TFDP3: variants seen among roughly 807,000 people sequenced by gnomAD.
TFDP3 encodes the protein E2F-like protein.
For synonymous variants in TFDP3, 167 were observed against 131.3 expected, an observed-to-expected ratio of 1.27 and a Z score of -1.86; for missense variants, 353 against 321.6, an observed-to-expected ratio of 1.10 and a Z score of -0.75.
Position 133,217,520 on chromosome X carries a change from AGCGGCCGCTG to A in TFDP3, c.730_739del (p.Gln244CysfsTer49). 1 of 1,212,183 alleles carries A rather than the reference AGCGGCCGCTG, an allele frequency of 8.2e-7. No individual in the cohort carries two copies. Among genetic ancestry groups the A allele is most frequent in the Non-Finnish European group, 1.1e-6 (1 of 895,622 alleles). On this transcript the variant is annotated frameshift_variant, in exon 1 of 1. Coordinates refer to ENST00000310125, the MANE Select transcript of TFDP3 (RefSeq NM_016521.3). LOFTEE classifies it low-confidence loss of function (END_TRUNC). ...GGGCACGTGGATGACTGAGTTGGGCAGCGGCCGCTGGCTGACCTGCTCCTCCACATACTGG... is the reference window on the plus strand; with the variant it reads ...GGGCACGTGGATGACTGAGTTGGGCAGCTGACCTGCTCCTCCACATACTGG...
At position 133,217,896 on chromosome X, in the gene TFDP3, C is replaced by CCAGA. The variant is rs1471029539; in HGVS notation, c.363_364insTCTG (p.Val122SerfsTer36). On this transcript the variant is annotated frameshift_variant, in exon 1 of 1. Transcript: ENST00000310125. LOFTEE classifies it low-confidence loss of function (END_TRUNC). ...CAGGAAGTGGTCCCTTTCCTCTGCA[C>CCAGA]CGTCTCCCAGACCTTCATGGAAAGA... The CCAGA allele has an allele frequency of 8.3e-7, 1 of 1,210,077 alleles. No individual in the cohort carries two copies. The highest frequency in any genetic ancestry group is 1.1e-6 in the Non-Finnish European group (1 of 895,260).
chrX:133,217,074 C>T lies in TFDP3; in HGVS notation c.1186G>A (p.Asp396Asn), dbSNP rs1456702986. Residue 396 changes from aspartate to asparagine, a missense_variant, in exon 1 of 1, where the codon GAC becomes AAC. By Grantham distance (23) the Asp-to-Asn change is conservative. Transcript: ENST00000310125. ...EEEEEEDNND[D>N]DLSENDEDD ...TCCTCGTCATTCTCACTGAGGTCGT[C>T]ATCGTTGTTGTCCTCCTCCTCTTCC... 8.3e-7 allele frequency: 1 copy of T among 1,208,479 alleles called. No individual in the cohort carries two copies. The highest frequency in any genetic ancestry group is 1.1e-6 in the Non-Finnish European group (1 of 893,316).
chrX:133,217,866 C>T lies in TFDP3; in HGVS notation c.394G>A (p.Glu132Lys). 8.3e-7 allele frequency: 1 copy of T among 1,211,667 alleles called. No individual in the cohort carries two copies. The highest frequency in any genetic ancestry group is 1.8e-5 in the South Asian group (1 of 56,975). ...TTGGCGACCAGCTCGCCCACCACTTCCTGGCAGGAAGTGGTCCCTTTCCTC... is the reference window on the plus strand; with the variant it reads ...TTGGCGACCAGCTCGCCCACCACTTTCTGGCAGGAAGTGGTCCCTTTCCTC... ...VQRKGTTSCQ[E>K]VVGELVAKFR... is the part of the protein sequence containing the mutation. The change falls in exon 1 of 1, where the codon GAA (glutamate) becomes AAA (lysine). Residue 132 changes from glutamate (E) to lysine (K), a missense_variant. By Grantham distance (56) the Glu-to-Lys change is moderately conservative (BLOSUM62 1). Coordinates refer to ENST00000310125, the MANE Select transcript of TFDP3 (RefSeq NM_016521.3).
chrX:133,216,831 C>A lies in TFDP3; in HGVS notation c.*211G>T. On this transcript the variant is annotated 3_prime_UTR_variant, in exon 1 of 1. Transcript: ENST00000310125. ...AAAGTAAATAAAGATTCTGTGTCAG[C>A]ACACTGGTATCAAAACACACATCAA... 1 of 408,286 alleles carries A rather than the reference C, an allele frequency of 2.4e-6. No homozygotes were observed. The highest frequency in any genetic ancestry group is 3.8e-6 in the Non-Finnish European group (1 of 260,105). The allele number at this position is 408,286 out of a possible 1,213,427, so 33.6% of individuals were successfully genotyped here.
In TFDP3 at chrX:133,217,813, T is replaced by C. The variant is rs1432330274; in HGVS notation, c.447A>G (p.Ser149=). 11 of 1,211,504 alleles carry C rather than the reference T, an allele frequency of 9.1e-6. No homozygotes were observed. Among genetic ancestry groups the C allele is most frequent in the Non-Finnish European group, 1.2e-5 (11 of 895,456 alleles). The change falls in exon 1 of 1, where the codon TCA becomes TCG. Residue 149 remains serine (S), a synonymous_variant. Transcript: ENST00000310125. ...AKFRAASNHA[S]PNESAYDVKN... ...TCACGTCATAAGCTGACTCGTTTGGTGAGGCGTGGTTGCTGGCAGCTCTGA... is the reference window on the plus strand; with the variant it reads ...TCACGTCATAAGCTGACTCGTTTGGCGAGGCGTGGTTGCTGGCAGCTCTGA...
chrX:133,216,835 C>G lies in TFDP3; in HGVS notation c.*207G>C, dbSNP rs911802909. On this transcript the variant is annotated 3_prime_UTR_variant, in exon 1 of 1. Coordinates refer to ENST00000310125, the MANE Select transcript of TFDP3 (RefSeq NM_016521.3). ...TAAATAAAGATTCTGTGTCAGCACA[C>G]TGGTATCAAAACACACATCAACAGC... 9.1e-5 allele frequency: 38 copies of G among 416,837 alleles called. 1 individual carries two copies. The highest frequency in any genetic ancestry group is 1.4e-3 in the Middle Eastern group (2 of 1,402). The allele number at this position is 416,837 out of a possible 1,213,427, so 34.4% of individuals were successfully genotyped here. A position where few individuals can be genotyped will look rare whatever the true frequency, so the allele number is the denominator to read the frequency against.
Position 133,216,803 on chromosome X carries a change from T to C in TFDP3, c.*239A>G. The C allele has an allele frequency of 2.9e-6, 1 of 347,675 alleles. No individual in the cohort carries two copies. Among genetic ancestry groups the C allele is most frequent in the Non-Finnish European group, 4.6e-6 (1 of 215,495 alleles). The allele number at this position is 347,675 out of a possible 1,213,427, so 28.7% of individuals were successfully genotyped here. On this transcript the variant is annotated 3_prime_UTR_variant, in exon 1 of 1. Coordinates refer to ENST00000310125, the MANE Select transcript of TFDP3 (RefSeq NM_016521.3). ...AATAGAAAATGAAAACACAAAATCC[T>C]AAAAAGTAAATAAAGATTCTGTGTC...
In TFDP3 at chrX:133,217,063, AC is replaced by A; in HGVS notation, c.1196del (p.Ser399MetfsTer13). On this transcript the variant is annotated frameshift_variant, in exon 1 of 1. Transcript: ENST00000310125. LOFTEE classifies it high-confidence loss of function. Reference protein sequence around the residue: ...EEEDNNDDDLSENDEDD With the variant: ...EEEDNNDDDLXENDEDD ...GACGTCAGTCATCCTCGTCATTCTCACTGAGGTCGTCATCGTTGTTGTCCTC... is the reference window on the plus strand; with the variant it reads ...GACGTCAGTCATCCTCGTCATTCTCATGAGGTCGTCATCGTTGTTGTCCTC... 1 of 1,204,739 alleles carries A rather than the reference AC, an allele frequency of 8.3e-7. No homozygotes were observed. The highest frequency in any genetic ancestry group is 1.1e-6 in the Non-Finnish European group (1 of 891,437).
Position 133,218,342 on chromosome X carries a change from T to G in TFDP3, c.-83A>C. ...AATTCTTCCAGGCCGAGTGTAGGGCTGCCGTGAGGTGCGTGGCGTAACGTG... is the reference window on the plus strand; with the variant it reads ...AATTCTTCCAGGCCGAGTGTAGGGCGGCCGTGAGGTGCGTGGCGTAACGTG... On this transcript the variant is annotated 5_prime_UTR_variant, in exon 1 of 1. Transcript: ENST00000310125. 2.2e-6 allele frequency: 2 copies of G among 913,554 alleles called. No individual in the cohort carries two copies. The highest frequency in any genetic ancestry group is 3.0e-6 in the Non-Finnish European group (2 of 672,785). 75.3% of individuals were successfully genotyped at this position (913,554 alleles called of 1,213,427 possible).
Position 133,217,327 on chromosome X carries a change from G to C in TFDP3, c.933C>G (p.Ala311=), listed in dbSNP as rs1423564172. The change falls in exon 1 of 1, where the codon GCC becomes GCG. Residue 311 remains alanine (A), a synonymous_variant. Coordinates refer to ENST00000310125, the MANE Select transcript of TFDP3 (RefSeq NM_016521.3). ...TFGLESGSCS[A]EDLKMARNLV... ...AATTTCTGGCCATTTTAAGGTCTTCGGCAGAGCAGCTCCCGGACTCTAGCC... is the reference window on the plus strand; with the variant it reads ...AATTTCTGGCCATTTTAAGGTCTTCCGCAGAGCAGCTCCCGGACTCTAGCC... 2.5e-6 allele frequency: 3 copies of C among 1,210,384 alleles called. No homozygotes were observed. The highest frequency in any genetic ancestry group is 3.4e-6 in the Non-Finnish European group (3 of 895,285).
In TFDP3 at chrX:133,217,969, G is replaced by A. The variant is rs766497695; in HGVS notation, c.291C>T (p.Ala97=). Residue 97 remains alanine, a synonymous_variant, in exon 1 of 1, where the codon GCC becomes GCT. Transcript: ENST00000310125. ...NQHSYSSPPW[A]GQHNRKGEKN... ...TCTCTCCTTTCCTGTTGTGCTGCCC[G>A]GCCCAAGGAGGTGAGGAGTAGGAAT... 19 of 1,209,871 alleles carry A rather than the reference G, an allele frequency of 1.6e-5. No homozygotes were observed. Among genetic ancestry groups the A allele is most frequent in the African/African-American group, 1.4e-4 (8 of 57,012 alleles).
In TFDP3 at chrX:133,217,682, G is replaced by A. The variant is rs1243191435; in HGVS notation, c.578C>T (p.Ser193Leu). The A allele has an allele frequency of 8.3e-7, 1 of 1,211,731 alleles. No homozygotes were observed. Among genetic ancestry groups the A allele is most frequent in the Non-Finnish European group, 1.1e-6 (1 of 895,208 alleles). Residue 193 changes from serine (S) to leucine (L), a missense_variant, in exon 1 of 1, where the codon TCG (serine) becomes TTG (leucine). Transcript: ENST00000310125. ...CCGTAAGTTCTGACAGTTCTGAGCC[G>A]AGTTGGTGGTCAGACCAATCCACTT... ...KIKWIGLTTN[S>L]AQNCQNLRVE...
Position 133,218,039 on chromosome X carries a change from C to G in TFDP3, c.221G>C (p.Gly74Ala). 1.7e-6 allele frequency: 2 copies of G among 1,211,694 alleles called. No individual in the cohort carries two copies. The highest frequency in any genetic ancestry group is 2.2e-6 in the Non-Finnish European group (2 of 895,532). Residue 74 changes from glycine (G) to alanine (A), a missense_variant, in exon 1 of 1, where the codon GGA becomes GCA. Coordinates refer to ENST00000310125, the MANE Select transcript of TFDP3 (RefSeq NM_016521.3). ...RPAASNIPVV[G>A]SPNPPSTHFA... ...GTGAGTGCTGGGTGGGTTTGGGCTT[C>G]CTACCACAGGGATGTTTGATGCTGC...
chrX:133,217,783 G>A lies in TFDP3; in HGVS notation c.477C>T (p.Asn159=). Residue 159 remains asparagine (N), a synonymous_variant, in exon 1 of 1, where the codon AAC becomes AAT. Coordinates refer to ENST00000310125, the MANE Select transcript of TFDP3 (RefSeq NM_016521.3). ...AGGCATCGTAGGTGCGCCGTTTTAT[G>A]TTTTTCACGTCATAAGCTGACTCGT... ...SPNESAYDVK[N]IKRRTYDALN... 8.3e-7 allele frequency: 1 copy of A among 1,211,526 alleles called. No homozygotes were observed. The highest frequency in any genetic ancestry group is 1.1e-6 in the Non-Finnish European group (1 of 895,512).
At position 133,218,166 on chromosome X, in the gene TFDP3, A is replaced by G. The variant is rs771151026; in HGVS notation, c.94T>C (p.Ser32Pro). Residue 32 changes from serine (S) to proline (P), a missense_variant, in exon 1 of 1, where the codon TCC becomes CCC. Transcript: ENST00000310125. ...TGCTTCCCGAGCGGGTTCACGGTGG[A>G]GGTGTGAACGGCCACGGGGCGGCTG... ...QTSRPVAVHT[S>P]TVNPLGKQLL... The G allele has an allele frequency of 8.3e-7, 1 of 1,203,802 alleles. No homozygotes were observed. The highest frequency in any genetic ancestry group is 3.0e-5 in the East Asian group (1 of 33,575).
At position 133,218,283 on chromosome X, in the gene TFDP3, G is replaced by T; in HGVS notation, c.-24C>A. 3 of 1,090,591 alleles carry T rather than the reference G, an allele frequency of 2.8e-6. No homozygotes were observed. The highest frequency in any genetic ancestry group is 2.4e-6 in the Non-Finnish European group (2 of 827,368). The allele number at this position is 1,090,591 out of a possible 1,213,427, so 89.9% of individuals were successfully genotyped here. On this transcript the variant is annotated 5_prime_UTR_variant, in exon 1 of 1. Transcript: ENST00000310125. ...ATGTTAACAGATTTGGGAAATAAAT[G>T]CTATAAATGTTCACCTTTCCAGAGA...
At position 133,218,073 on chromosome X, in the gene TFDP3, G is replaced by A. The variant is rs2068021330; in HGVS notation, c.187C>T (p.Gln63Ter). The A allele has an allele frequency of 1.7e-6, 2 of 1,211,622 alleles. No individual in the cohort carries two copies. Among genetic ancestry groups the A allele is most frequent in the Non-Finnish European group, 2.2e-6 (2 of 895,530 alleles). ...GGGATGTTTGATGCTGCTGGTCTCT[G>A]AGGCATACCAATTACCACTTGCTGG... The part of the protein sequence containing the change: ...IDQQVVIGMP[Q>*]RPAASNIPVV... The change falls in exon 1 of 1, where the codon CAG becomes TAG. Residue 63 changes from glutamine to a stop codon, truncating the protein, a stop_gained. Coordinates refer to ENST00000310125, the MANE Select transcript of TFDP3 (RefSeq NM_016521.3). LOFTEE classifies it low-confidence loss of function (END_TRUNC).
In TFDP3 at chrX:133,218,195, T is replaced by C. The variant is rs2068022032; in HGVS notation, c.65A>G (p.Gln22Arg). The C allele has an allele frequency of 2.5e-6, 3 of 1,185,253 alleles. No homozygotes were observed. The change falls in exon 1 of 1, where the codon CAG (glutamine) becomes CGG (arginine). Residue 22 changes from glutamine to arginine, a missense_variant. Coordinates refer to ENST00000310125, the MANE Select transcript of TFDP3 (RefSeq NM_016521.3). ...GTGAACGGCCACGGGGCGGCTGGTC[T>C]GGTTCTCGTCCATTAAGACCTTGAG... ...EELKVLMDEN[Q>R]TSRPVAVHTS...
In TFDP3 at chrX:133,217,092, C is replaced by T; in HGVS notation, c.1168G>A (p.Glu390Lys). ...VETPAVEEEE[E>K]EDNNDDDLSE... ...AGGTCGTCATCGTTGTTGTCCTCCTCCTCTTCCTCCTCGACTGCTGGGGTC... is the reference window on the plus strand; with the variant it reads ...AGGTCGTCATCGTTGTTGTCCTCCTTCTCTTCCTCCTCGACTGCTGGGGTC... The change falls in exon 1 of 1, where the codon GAG becomes AAG. Residue 390 changes from glutamate to lysine, a missense_variant. Transcript: ENST00000310125. 8.3e-7 allele frequency: 1 copy of T among 1,210,971 alleles called. No individual in the cohort carries two copies. Among genetic ancestry groups the T allele is most frequent in the Non-Finnish European group, 1.1e-6 (1 of 894,966 alleles).
Sources: gnomAD v4.1 joint callset for allele counts on GRCh38, gnomAD v4.1.1 for gene constraint, MANE v1.5 for transcripts, NCBI Gene and HGNC (gene_info 2026-07-23, HGNC 2026-07-21) for gene names.